UBE2E2: variants seen among roughly 807,000 people sequenced by gnomAD.
The protein encoded by UBE2E2 is ubiquitin conjugating enzyme E2 E2.
A neutral mutation model predicts 24.7 loss-of-function variants in UBE2E2; 6 were observed. The ratio of observed to expected loss-of-function variants is 0.24; its 90% CI spans 0.13 to 0.48. The LOEUF (loss-of-function observed/expected upper bound fraction) is 0.48. Ranked by LOEUF, UBE2E2 falls within the 20% of genes least tolerant of loss-of-function variation. The pLI is 0.99. For synonymous variants in UBE2E2, 104 were observed against 83.6 expected (o/e 1.24, Z -1.33); for missense variants, 169 against 245.0 (o/e 0.69, Z 2.07).
intron 3 of UBE2E2, among the ~76,000 whole-genome samples, chr3:23,376,788 T>C (rs576587344): frequency 2.8e-4 from 42 of 152,324 alleles, no homozygotes; most frequent in African/African-American, 8.4e-4. Flanking sequence ...GTCTGAACTC[T>C]CAAAGTGTCT....
At chr3:23,330,066 G>T (rs1328433075) in intron 3 of UBE2E2, among the ~76,000 whole-genome samples, 1 of 152,194 alleles carries the variant, frequency 6.6e-6, no homozygotes, top group Non-Finnish European at 1.5e-5. Flanking sequence ...TTTTAGTACA[G>T]TAGGCATGGG....
chr3:23,578,304 GA>G (rs1197170360), intron 5 of UBE2E2, among the ~76,000 whole-genome samples: 1 of 152,140 alleles, frequency 6.6e-6, no homozygotes, highest in Non-Finnish European at 1.5e-5. Flanking sequence ...ACATTGCAGA[GA>G]AAAAGGAATG....
At chr3:23,489,392 ACAGC>A (rs1449484312) in intron 3 of UBE2E2, among the ~76,000 whole-genome samples, 1 of 152,148 alleles carries the variant, frequency 6.6e-6, no homozygotes, top group Non-Finnish European at 1.5e-5. Context: ...TAAGGAATAC[ACAGC>A]CTAGATCCTT....
At chr3:23,554,801 A>G (rs1695735762) in intron 5 of UBE2E2, among the ~76,000 whole-genome samples, 1 of 152,218 alleles carries the variant, frequency 6.6e-6, no homozygotes, top group African/African-American at 2.4e-5. Context: ...AGACTGGGAA[A>G]AAAATATTTA....
At chr3:23,411,771 G>T (rs899714094) in intron 3 of UBE2E2, among the ~76,000 whole-genome samples, 1 of 152,142 alleles carries the variant, frequency 6.6e-6, no homozygotes, top group Non-Finnish European at 1.5e-5. Flanking sequence ...TTGAGAGTCT[G>T]TGAAAATTAA....
intron 3 of UBE2E2, among the ~76,000 whole-genome samples, chr3:23,430,459 C>G (rs1310913038): frequency 2.0e-5 from 3 of 151,554 alleles, no homozygotes; most frequent in African/African-American, 7.3e-5. Flanking sequence ...TAGAACAGTA[C>G]CTGGCCCACA....
At chr3:23,204,821 G>A (rs1696102223) in intron 1 of UBE2E2, 1 of 894,644 alleles carries the variant, frequency 1.1e-6, no homozygotes, top group African/African-American at 1.8e-5. Flanking sequence ...TTAGAAACAT[G>A]AGTAGGAAGA....
At chr3:23,207,978 G>A (rs933614552) in intron 1 of UBE2E2, among the ~76,000 whole-genome samples, 11 of 151,914 alleles carry the variant, frequency 7.2e-5, no homozygotes, top group African/African-American at 1.7e-4. Flanking sequence ...CCCATTAGCC[G>A]TCACTCTTCA....
chr3:23,545,812 C>A (rs1288077623), intron 5 of UBE2E2, among the ~76,000 whole-genome samples: 4 of 152,178 alleles, frequency 2.6e-5, no homozygotes, highest in African/African-American at 9.7e-5. Context: ...TATGTATACA[C>A]CATGGAATAC....
intron 3 of UBE2E2, among the ~76,000 whole-genome samples, chr3:23,358,676 C>T (rs1257409207): frequency 2.0e-5 from 3 of 152,036 alleles, no homozygotes; most frequent in African/African-American, 7.2e-5. Flanking sequence ...TTGCTTCTAC[C>T]TCTTTTATTT....
chr3:23,212,582 G>A (rs549800807), intron 2 of UBE2E2, among the ~76,000 whole-genome samples: 1 of 144,688 alleles, frequency 6.9e-6, no homozygotes, highest in Non-Finnish European at 1.5e-5. Flanking sequence ...CATTCAATAT[G>A]ATACTGTTCG....
At chr3:23,264,538 G>C (rs1264360455) in intron 3 of UBE2E2, among the ~76,000 whole-genome samples, 3 of 151,958 alleles carry the variant, frequency 2.0e-5, no homozygotes, top group Admixed American at 2.0e-4. Context: ...GTTTTTAATG[G>C]GACTGCCTCT....
Position 23,499,686 on chromosome 3 carries a change from G to A in UBE2E2, c.306G>A (p.Gly102=), listed in dbSNP as rs929920637. 3.1e-6 allele frequency: 5 copies of A among 1,613,498 alleles called. No individual in the cohort carries two copies. The highest frequency in any genetic ancestry group is 4.2e-6 in the Non-Finnish European group (5 of 1,179,812). Residue 102 remains glycine, a synonymous_variant, in exon 4 of 6, where the codon GGG becomes GGA. Coordinates refer to ENST00000396703, the MANE Select transcript of UBE2E2 (RefSeq NM_152653.4). ...LGPPGSVYEG[G]VFFLDITFSP... ...CCCCAGGATCTGTCTATGAAGGAGGGGTGTTCTTTCTTGACATTACCTTTT... is the reference window on the plus strand; with the variant it reads ...CCCCAGGATCTGTCTATGAAGGAGGAGTGTTCTTTCTTGACATTACCTTTT...
intron 4 of UBE2E2, among the ~76,000 whole-genome samples, chr3:23,502,573 G>A (rs1427755435): frequency 6.6e-6 from 1 of 152,114 alleles, no homozygotes; most frequent in African/African-American, 2.4e-5. Flanking sequence ...CTTTTTCACA[G>A]TAGGGCTTGA....
At chr3:23,465,349 G>A (rs1324638757) in intron 3 of UBE2E2, among the ~76,000 whole-genome samples, 1 of 152,114 alleles carries the variant, frequency 6.6e-6, no homozygotes, top group Non-Finnish European at 1.5e-5. Flanking sequence ...AATCACACTA[G>A]GTATAATATA....
chr3:23,268,744 A>C (rs1199733736), intron 3 of UBE2E2, among the ~76,000 whole-genome samples: 1 of 149,132 alleles, frequency 6.7e-6, no homozygotes, highest in Non-Finnish European at 1.5e-5. Flanking sequence ...CGCATTGCCA[A>C]GTCAATCCTA....
At chr3:23,463,594 A>G (rs1482946219) in intron 3 of UBE2E2, among the ~76,000 whole-genome samples, 1 of 152,086 alleles carries the variant, frequency 6.6e-6, no homozygotes, top group African/African-American at 2.4e-5. Context: ...AAATCTTGCA[A>G]AGAGGGCCTC....
intron 3 of UBE2E2, among the ~76,000 whole-genome samples, chr3:23,429,739 C>A (rs1575623499): frequency 1.3e-5 from 2 of 152,128 alleles, no homozygotes; most frequent in Middle Eastern, 3.2e-3. Flanking sequence ...AGACTTTCTT[C>A]ACAAATCATA....
chr3:23,269,882 A>AGT (rs1463401361), intron 3 of UBE2E2, among the ~76,000 whole-genome samples: 2 of 152,162 alleles, frequency 1.3e-5, no homozygotes, highest in Non-Finnish European at 2.9e-5. Flanking sequence ...TTTATAAGGG[A>AGT]ATAACATGTT....
Sources: gnomAD v4.1 joint callset for allele counts (sites outside exome capture counted in the v4.1 genomes callset) on GRCh38, gnomAD v4.1.1 for gene constraint, MANE v1.5 for transcripts, NCBI Gene and HGNC (gene_info 2026-07-23, HGNC 2026-07-21) for gene names.